Variants in ATP11A observed in about 807,000 individuals in gnomAD.
ATP11A encodes phospholipid-transporting ATPase IH.
ATP11A carries 81 observed loss-of-function variants against 154.4 expected under a neutral mutation model. The ratio of observed to expected loss-of-function variants is 0.52; its 90% CI spans 0.44 to 0.63. The LOEUF (loss-of-function observed/expected upper bound fraction) is 0.63. ATP11A is among the 30% of genes least tolerant of loss of function. ATP11A has a pLI of 0.00. For missense variants in ATP11A, 1,316 were observed against 1,474.3 expected, an observed-to-expected ratio of 0.89 and a Z score of 1.76; for synonymous variants, 623 against 585.9, an observed-to-expected ratio of 1.06 and a Z score of -0.91.
intron 16 of ATP11A, among the ~76,000 whole-genome samples, chr13:112,841,977 C>T (rs189294937): frequency 5.3e-5 from 8 of 152,370 alleles, no homozygotes; most frequent in Non-Finnish European, 1.0e-4. Flanking sequence ...GTCCCGAGGG[C>T]ATTTTGTCCC....
chr13:112,829,636 A>G (rs775131578), intron 12 of ATP11A, among the ~76,000 whole-genome samples: 96 of 152,380 alleles, frequency 6.3e-4, no homozygotes, highest in Non-Finnish European at 9.6e-4. Flanking sequence ...CTGAGATCAG[A>G]AAGAAGACAA....
At chr13:112,762,800 C>T (rs1327845270) in intron 1 of ATP11A, among the ~76,000 whole-genome samples, 1 of 152,228 alleles carries the variant, frequency 6.6e-6, no homozygotes, top group Non-Finnish European at 1.5e-5. Flanking sequence ...CAAATGCTCA[C>T]GGTATGACGG....
intron 1 of ATP11A, among the ~76,000 whole-genome samples, chr13:112,749,998 T>A (rs2076656528): frequency 8.1e-6 from 1 of 123,684 alleles, no homozygotes; most frequent in African/African-American, 3.8e-5. Context: ...TGAATCCCCC[T>A]TCAGCCTCTC....
chr13:112,777,804 T>G (rs2077384281), intron 1 of ATP11A, among the ~76,000 whole-genome samples: 1 of 152,170 alleles, frequency 6.6e-6, no homozygotes, highest in Non-Finnish European at 1.5e-5. Context: ...GATGTGAGAC[T>G]TCCTCCCCCG....
intron 2 of ATP11A, among the ~76,000 whole-genome samples, chr13:112,799,641 A>C (rs1238004418): frequency 1.3e-5 from 2 of 152,236 alleles, no homozygotes; most frequent in African/African-American, 4.8e-5. Flanking sequence ...CAGTTGCTCC[A>C]GGCCATCTGG....
chr13:112,867,318 C>A (rs573948438), intron 25 of ATP11A, among the ~76,000 whole-genome samples: 16 of 152,216 alleles, frequency 1.1e-4, no homozygotes, highest in Non-Finnish European at 2.4e-4. Context: ...CATACCCGGA[C>A]GTCCGGCTCC....
intron 16 of ATP11A, among the ~76,000 whole-genome samples, chr13:112,841,412 C>G (rs373534325): frequency 6.7e-6 from 1 of 148,974 alleles, no homozygotes; most frequent in East Asian, 2.0e-4. Flanking sequence ...CAGAGTGCCA[C>G]GTGGCTTCGC....
At chr13:112,794,478 G>A (rs935200881) in intron 2 of ATP11A, among the ~76,000 whole-genome samples, 7 of 152,148 alleles carry the variant, frequency 4.6e-5, no homozygotes, top group African/African-American at 1.7e-4. Context: ...CCCTCCTTTT[G>A]ACAATAGTAG....
At chr13:112,871,668 T>G in intron 25 of ATP11A, 67 bp from the exon 26 acceptor site, 1 of 1,483,342 alleles carries the variant, frequency 6.7e-7, no homozygotes, top group Non-Finnish European at 9.4e-7. Context: ...TTTCTAAAAC[T>G]CTTGATTGTG....
In ATP11A at chr13:112,690,556, G is replaced by C. The variant is rs1045829072; in HGVS notation, c.39+101G>C. 1.0e-5 allele frequency: 12 copies of C among 1,156,136 alleles called. No individual in the cohort carries two copies. In the Admixed American group the frequency reaches 2.6e-4, roughly 25 times the overall value. 71.6% of individuals were successfully genotyped at this position (1,156,136 alleles called of 1,614,324 possible). ...GGCCGGTCCAGCCCCGGGGTCCCGG[G>C]AGGTCTCCGATGTCTGGGACTCGGA... On this transcript the variant is annotated intron_variant, in intron 1 of 29. Transcript: ENST00000375645. The surrounding 1 kb of genome is among the most constrained non-coding windows in gnomAD (Gnocchi z 5.6).
intron 18 of ATP11A, among the ~76,000 whole-genome samples, chr13:112,852,253 G>A (rs1345675259): frequency 1.3e-5 from 2 of 152,204 alleles, no homozygotes; most frequent in African/African-American, 4.8e-5. Context: ...TCCTAGAAGA[G>A]GTTAAAGGCA....
chr13:112,854,324 C>T lies in ATP11A; in HGVS notation c.2037C>T (p.Ala679=), dbSNP rs144429120. 17 of 1,614,002 alleles carry T rather than the reference C, an allele frequency of 1.1e-5. No individual in the cohort carries two copies. Among genetic ancestry groups the T allele is most frequent in the South Asian group, 4.4e-5 (4 of 91,084 alleles). ...AADTIEALQK[A]GIKVWVLTGD... is the part of the protein sequence containing the mutation. ...ACACCATCGAGGCCCTGCAGAAGGCCGGGATCAAAGTCTGGGTTCTCACGG... is the reference window on the plus strand; with the variant it reads ...ACACCATCGAGGCCCTGCAGAAGGCTGGGATCAAAGTCTGGGTTCTCACGG... Residue 679 remains alanine, a synonymous_variant, in exon 19 of 30, where the codon GCC becomes GCT. Transcript: ENST00000375645.
At position 112,785,209 on chromosome 13, in the gene ATP11A, G is replaced by T; in HGVS notation, c.114G>T (p.Glu38Asp). 1 of 1,576,380 alleles carries T rather than the reference G, an allele frequency of 6.3e-7. No individual in the cohort carries two copies. The highest frequency in any genetic ancestry group is 8.6e-7 in the Non-Finnish European group (1 of 1,162,376). ...ACAGGGAGCCACCTCCGGGCGCAGAGGCCTACATCCCACAGAGATACCCAG... is the reference window on the plus strand; with the variant it reads ...ACAGGGAGCCACCTCCGGGCGCAGATGCCTACATCCCACAGAGATACCCAG... ...VGHREPPPGA[E>D]AYIPQRYPDN... is the part of the protein sequence containing the mutation. The change falls in exon 2 of 30, where the codon GAG becomes GAT. Residue 38 changes from glutamate (E) to aspartate (D), a missense_variant. Around this residue, in one of 5 missense-constraint regions of ATP11A, gnomAD observed 123 missense variants for 113.7 expected, o/e 1.08. Transcript: ENST00000375645. The surrounding 1 kb of genome is among the most constrained non-coding windows in gnomAD (Gnocchi z 4.8).
intron 1 of ATP11A, among the ~76,000 whole-genome samples, chr13:112,701,301 G>C (rs1886497114): frequency 6.6e-6 from 1 of 152,240 alleles, no homozygotes; most frequent in Non-Finnish European, 1.5e-5. Flanking sequence ...CTCAGGCACA[G>C]CTACTAACTT....
intron 1 of ATP11A, among the ~76,000 whole-genome samples, chr13:112,756,898 C>A (rs1017273079): frequency 1.3e-5 from 2 of 152,026 alleles, no homozygotes; most frequent in Non-Finnish European, 2.9e-5. Flanking sequence ...GGGCCTGCTC[C>A]CAGCGCGGGG....
chr13:112,870,480 G>A (rs752557213), intron 25 of ATP11A, among the ~76,000 whole-genome samples: 2 of 152,196 alleles, frequency 1.3e-5, no homozygotes, highest in Non-Finnish European at 2.9e-5. Flanking sequence ...CCGGGCTCAA[G>A]CAATTCTCCT....
chr13:112,805,110 C>T, intron 3 of ATP11A, 64 bp downstream of exon 3: 1 of 1,194,038 alleles, frequency 8.4e-7, no homozygotes. Flanking sequence ...ATTTTATTCT[C>T]AGGTAACTGC....
chr13:112,809,768 C>T (rs544637784), intron 4 of ATP11A, among the ~76,000 whole-genome samples: 2 of 152,298 alleles, frequency 1.3e-5, no homozygotes, highest in Admixed American at 6.5e-5. Flanking sequence ...CACCCAGCAA[C>T]GCCAAACACA....
At chr13:112,874,316 C>T (rs1185602620) in intron 27 of ATP11A, among the ~76,000 whole-genome samples, 3 of 152,212 alleles carry the variant, frequency 2.0e-5, no homozygotes, top group Non-Finnish European at 4.4e-5. Context: ...TGGTGGCCTC[C>T]TGGACCGCCG....
Sources: gnomAD v4.1 joint callset for allele counts (sites outside exome capture counted in the v4.1 genomes callset) on GRCh38, gnomAD v4.1.1 for gene constraint, gnomAD v4.1.1 regional missense constraint, Gnocchi (gnomAD v3.1) non-coding constraint, MANE v1.5 for transcripts, NCBI Gene and HGNC (gene_info 2026-07-23, HGNC 2026-07-21) for gene names.